The following WNK2 variants were observed in gnomAD, a reference collection of about 807,000 sequenced individuals.
WNK2 encodes the protein WNK lysine deficient protein kinase 2.
A neutral mutation model predicts 192.1 loss-of-function variants in WNK2; 67 were observed. That is an observed-to-expected ratio of 0.35 (90% CI 0.29 to 0.43). The LOEUF (loss-of-function observed/expected upper bound fraction) is 0.43. Ranked by LOEUF, WNK2 falls within the 20% of genes least tolerant of loss-of-function variation. The pLI is 1.00. For missense variants in WNK2, 2,698 were observed against 3,089.7 expected (o/e 0.87, Z 3.01); for synonymous variants, 1,439 against 1,393.9 (o/e 1.03, Z -0.72).
At chr9:93,231,305 C>T (rs145297745) in intron 4 of WNK2, among the ~76,000 whole-genome samples, 197 bp downstream of exon 4, 230 of 152,350 alleles carry the variant, frequency 1.5e-3, no homozygotes, top group Middle Eastern at 0.01. Flanking sequence ...GGCCTGCCCA[C>T]TCGTTGGATT....
intron 2 of WNK2, among the ~76,000 whole-genome samples, chr9:93,207,400 A>C (rs1257102040): frequency 6.6e-6 from 1 of 152,140 alleles, no homozygotes; most frequent in African/African-American, 2.4e-5. Flanking sequence ...GCTCCCCACC[A>C]GCTCCTGAGG....
intron 2 of WNK2, among the ~76,000 whole-genome samples, chr9:93,190,595 A>G (rs1221974816): frequency 6.6e-6 from 1 of 152,232 alleles, no homozygotes; most frequent in Non-Finnish European, 1.5e-5. Flanking sequence ...ATTCCTCGTC[A>G]GCATGTTAGG....
Position 93,267,922 on chromosome 9 carries a change from G to T in WNK2, c.3867+6G>T, listed in dbSNP as rs1845426175. On this transcript the variant is annotated splice_donor_region_variant and intron_variant, in intron 17 of 29. Coordinates refer to ENST00000427277, the MANE Select transcript of WNK2 (RefSeq NM_006648.4). ...GCGGCCTGGGCACCGGGGAGGTGAG[G>T]TTGTGAAATCCGGGGTGGGAGGTGG... 1 of 1,611,960 alleles carries T rather than the reference G, an allele frequency of 6.2e-7. No individual in the cohort carries two copies. Among genetic ancestry groups the T allele is most frequent in the Non-Finnish European group, 8.5e-7 (1 of 1,179,012 alleles).
At chr9:93,281,462 G>T (rs987109317) in intron 19 of WNK2, among the ~76,000 whole-genome samples, 1 of 152,122 alleles carries the variant, frequency 6.6e-6, no homozygotes, top group African/African-American at 2.4e-5. Flanking sequence ...CTGCCAGAGA[G>T]AGAATCGGCA....
intron 12 of WNK2, among the ~76,000 whole-genome samples, chr9:93,260,443 C>G (rs1248190469): frequency 6.6e-6 from 1 of 152,196 alleles, no homozygotes; most frequent in Non-Finnish European, 1.5e-5. Context: ...TACCCCAGCT[C>G]TGAGCCCTGT....
chr9:93,301,960 TG>T (rs1219289470), intron 26 of WNK2, among the ~76,000 whole-genome samples: 2 of 152,198 alleles, frequency 1.3e-5, no homozygotes, highest in Non-Finnish European at 2.9e-5. Context: ...GCCTCTGCCC[TG>T]GGCGCCTCTC....
chr9:93,306,170 G>A (rs1262307886), intron 26 of WNK2, among the ~76,000 whole-genome samples: 1 of 152,210 alleles, frequency 6.6e-6, no homozygotes, highest in African/African-American at 2.4e-5. Flanking sequence ...TAATGAGGCG[G>A]TAGTGTCCCC....
chr9:93,244,595 G>A lies in WNK2; in HGVS notation c.1543-2948G>A, dbSNP rs112092773. 1.4e-3 allele frequency among the ~76,000 whole-genome samples: 213 copies of A among 152,354 alleles called. 1 individual carries two copies. Among genetic ancestry groups the A allele is most frequent in the African/African-American group, 4.6e-3 (193 of 41,590 alleles). On this transcript the variant is annotated intron_variant, in intron 7 of 29. Transcript: ENST00000427277. ...ATGGCAGCAGGAGGACGTGGCCTTG[G>A]CAGCCTCTGGTCACGTATCTGGGCC...
intron 25 of WNK2, among the ~76,000 whole-genome samples, chr9:93,299,802 G>A (rs1412001675): frequency 6.6e-6 from 1 of 152,228 alleles, no homozygotes; most frequent in East Asian, 1.9e-4. Flanking sequence ...GAGAAATCAT[G>A]GTGACCATGA....
chr9:93,223,235 ACTGCAGAGCAGGCCCAGTGC>A, intron 2 of WNK2, among the ~76,000 whole-genome samples: 1 of 152,318 alleles, frequency 6.6e-6, no homozygotes, highest in East Asian at 1.9e-4. Context: ...CTGACCACTC[ACTGCAGAGCAGGCCCAGTGC>A]CTGCCTCTTG....
intron 2 of WNK2, among the ~76,000 whole-genome samples, chr9:93,210,709 G>A (rs1834344373): frequency 6.6e-6 from 1 of 152,202 alleles, no homozygotes; most frequent in African/African-American, 2.4e-5. Flanking sequence ...AGGGAAAGAT[G>A]GGCAGGCCTG....
chr9:93,296,393 T>C (rs1588517367), intron 23 of WNK2, among the ~76,000 whole-genome samples: 1 of 7,258 alleles, frequency 1.4e-4, no homozygotes, highest in Non-Finnish European at 2.8e-4. Context: ...TCCCCCTCCA[T>C]CCTCCCCTCA....
chr9:93,216,505 G>C (rs542973183), intron 2 of WNK2, among the ~76,000 whole-genome samples: 23 of 152,120 alleles, frequency 1.5e-4, no homozygotes, highest in African/African-American at 5.5e-4. Context: ...AATTAGCTGG[G>C]TGTGATGCTA....
intron 19 of WNK2, among the ~76,000 whole-genome samples, chr9:93,279,386 GC>G (rs1847389443): frequency 6.6e-6 from 1 of 152,200 alleles, no homozygotes; most frequent in Non-Finnish European, 1.5e-5. Flanking sequence ...CAGAATATGT[GC>G]AAGATCTGTA....
At chr9:93,309,094 G>T (rs1370005646) in intron 28 of WNK2, 2 of 987,352 alleles carry the variant, frequency 2.0e-6, no homozygotes, top group Non-Finnish European at 2.4e-6. Flanking sequence ...ATGTCAGCGC[G>T]AGTTGGAGAA....
intron 1 of WNK2, among the ~76,000 whole-genome samples, chr9:93,184,658 CCT>C (rs1041459913): frequency 1.6e-4 from 24 of 152,076 alleles, no homozygotes; most frequent in Non-Finnish European, 2.9e-4. Context: ...CCTAGCAGGT[CCT>C]CTCTCCCAGG....
intron 19 of WNK2, among the ~76,000 whole-genome samples, chr9:93,276,373 G>C (rs1229681201): frequency 6.6e-6 from 1 of 152,094 alleles, no homozygotes; most frequent in South Asian, 2.1e-4. Flanking sequence ...TGGAACAGTC[G>C]GTCATCCTTA....
At chr9:93,225,720 A>G (rs879428871) in intron 2 of WNK2, among the ~76,000 whole-genome samples, 1 of 152,216 alleles carries the variant, frequency 6.6e-6, no homozygotes, top group Non-Finnish European at 1.5e-5. Context: ...AACTTGTGCT[A>G]TAAATGATCC....
chr9:93,232,046 C>T (rs938515826), intron 4 of WNK2, among the ~76,000 whole-genome samples: 1 of 152,318 alleles, frequency 6.6e-6, no homozygotes, highest in African/African-American at 2.4e-5. Context: ...CCAGATGGCA[C>T]CCAATCGGAT....
Sources: gnomAD v4.1 joint callset for allele counts (sites outside exome capture counted in the v4.1 genomes callset) on GRCh38, gnomAD v4.1.1 for gene constraint, MANE v1.5 for transcripts, NCBI Gene and HGNC (gene_info 2026-07-23, HGNC 2026-07-21) for gene names.